Variants in PHLPP1 observed in about 807,000 individuals in gnomAD.
PHLPP1 encodes PH domain and leucine rich repeat protein phosphatase 1.
In PHLPP1, 42 loss-of-function variants were observed where a neutral mutation model predicts 117.2. The observed-to-expected ratio is 0.36, with a 90% CI of 0.28 to 0.46. The LOEUF (loss-of-function observed/expected upper bound fraction) is 0.46, where lower values mean the gene tolerates loss of function less well. PHLPP1 is among the 20% of genes least tolerant of loss of function. PHLPP1 has a pLI of 1.00. For synonymous variants in PHLPP1, 1,042 were observed against 970.7 expected (o/e 1.07, Z -1.37); for missense variants, 2,084 against 2,241.9 (o/e 0.93, Z 1.42).
intron 10 of PHLPP1, among the ~76,000 whole-genome samples, chr18:62,936,187 T>G (rs1025744062): frequency 6.6e-6 from 1 of 152,110 alleles, no homozygotes; most frequent in Non-Finnish European, 1.5e-5. Context: ...GTGAGTCAAC[T>G]TGAAGGAGCT....
chr18:62,763,726 T>C (rs915768374), intron 1 of PHLPP1, among the ~76,000 whole-genome samples: 2 of 152,206 alleles, frequency 1.3e-5, no homozygotes, highest in African/African-American at 4.8e-5. Context: ...TATTTCTTTC[T>C]CTGTCTACTT....
chr18:62,954,139 T>C (rs1408157421), intron 12 of PHLPP1, among the ~76,000 whole-genome samples: 1 of 152,222 alleles, frequency 6.6e-6, no homozygotes, highest in Non-Finnish European at 1.5e-5. Flanking sequence ...TTTGTAATGA[T>C]TTTCCTCTAA....
intron 10 of PHLPP1, among the ~76,000 whole-genome samples, chr18:62,938,057 A>T (rs1015386985): frequency 2.0e-5 from 3 of 152,156 alleles, no homozygotes; most frequent in Non-Finnish European, 4.4e-5. Flanking sequence ...TGTCTGTGGA[A>T]TCTACAAAGT....
intron 10 of PHLPP1, among the ~76,000 whole-genome samples, chr18:62,932,357 C>T (rs1909841495): frequency 6.6e-6 from 1 of 151,974 alleles, no homozygotes; most frequent in Non-Finnish European, 1.5e-5. Flanking sequence ...AACATAGACA[C>T]AAAAATCTTC....
intron 1 of PHLPP1, among the ~76,000 whole-genome samples, chr18:62,786,728 A>G (rs1430192265): frequency 2.0e-5 from 3 of 152,238 alleles, no homozygotes; most frequent in Admixed American, 6.5e-5. Context: ...AGCTACACTT[A>G]GTAGAATGAT....
intron 3 of PHLPP1, among the ~76,000 whole-genome samples, chr18:62,845,792 C>T (rs541731253): frequency 2.0e-5 from 3 of 152,158 alleles, no homozygotes; most frequent in Non-Finnish European, 4.4e-5. Context: ...AGAAGCTTTG[C>T]TATCAGTACT....
intron 5 of PHLPP1, 88 bp downstream of exon 5, chr18:62,895,245 GT>G: frequency 7.4e-7 from 1 of 1,347,434 alleles, no homozygotes; most frequent in Non-Finnish European, 1.0e-6. Flanking sequence ...TAGTTAACTT[GT>G]TATGTTGCTC....
chr18:62,846,192 A>G (rs1426124896), intron 3 of PHLPP1, among the ~76,000 whole-genome samples: 1 of 136,916 alleles, frequency 7.3e-6, no homozygotes, highest in African/African-American at 2.7e-5. Flanking sequence ...CTGGGCAATG[A>G]GAGCAAAACT....
chr18:62,871,144 G>A (rs1323854197), intron 4 of PHLPP1, among the ~76,000 whole-genome samples: 1 of 152,124 alleles, frequency 6.6e-6, no homozygotes, highest in African/African-American at 2.4e-5. Context: ...TCTTTGTAGA[G>A]TCAGTGAAGA....
intron 10 of PHLPP1, among the ~76,000 whole-genome samples, chr18:62,921,935 T>C (rs1909481260): frequency 6.6e-6 from 1 of 152,238 alleles, no homozygotes; most frequent in African/African-American, 2.4e-5. Context: ...AAAAGAAAAT[T>C]ATTTTCAGTG....
At chr18:62,743,098 CAA>C (rs1911577907) in intron 1 of PHLPP1, among the ~76,000 whole-genome samples, 2 of 151,850 alleles carry the variant, frequency 1.3e-5, no homozygotes, top group Admixed American at 6.6e-5. Context: ...TATCCATAAA[CAA>C]GAGAGGTCCC....
intron 1 of PHLPP1, among the ~76,000 whole-genome samples, chr18:62,772,549 A>T (rs1440813167): frequency 6.6e-6 from 1 of 152,132 alleles, no homozygotes; most frequent in Admixed American, 6.5e-5. Context: ...TTAAATTTAA[A>T]TTGGGCATGC....
intron 12 of PHLPP1, among the ~76,000 whole-genome samples, chr18:62,952,064 C>A (rs1017928023): frequency 6.6e-6 from 1 of 151,914 alleles, no homozygotes; most frequent in Non-Finnish European, 1.5e-5. Flanking sequence ...ATGATCCACC[C>A]GCCTCGGCCT....
intron 1 of PHLPP1, among the ~76,000 whole-genome samples, chr18:62,761,140 C>T (rs1483912083): frequency 6.6e-6 from 1 of 151,816 alleles, no homozygotes; most frequent in African/African-American, 2.4e-5. Flanking sequence ...GCTGGGATTA[C>T]AGACATGAGC....
rs771348469 is a variant in PHLPP1, at chr18:62,979,357, C to G, written c.5080C>G (p.Pro1694Ala). 6.5e-6 allele frequency: 10 copies of G among 1,549,620 alleles called. No homozygotes were observed. Among genetic ancestry groups the G allele is most frequent in the South Asian group, 5.9e-5 (5 of 84,062 alleles). ...GCAGCAGCAGCAGCCGCCACCACCC[C>G]CTCAGCTCCAGCCGCAGCTGCCGCG... ...QQQQQQPPPP[P>A]QLQPQLPRHY... The change falls in exon 17 of 17, where the codon CCT becomes GCT. Residue 1694 changes from proline (P) to alanine (A), a missense_variant. By Grantham distance (27) the Pro-to-Ala change is conservative. Coordinates refer to ENST00000262719, the MANE Select transcript of PHLPP1 (RefSeq NM_194449.4).
chr18:62,742,843 A>G (rs1167562330), intron 1 of PHLPP1, among the ~76,000 whole-genome samples: 1 of 152,214 alleles, frequency 6.6e-6, no homozygotes, highest in Non-Finnish European at 1.5e-5. Flanking sequence ...TTGAATGAGT[A>G]TATAAAATTC....
chr18:62,831,037 C>T (rs1223497917), intron 2 of PHLPP1, among the ~76,000 whole-genome samples: 1 of 152,150 alleles, frequency 6.6e-6, no homozygotes, highest in African/African-American at 2.4e-5. Flanking sequence ...AAATGTTTCT[C>T]ATTTCGGAGA....
chr18:62,823,852 C>T (rs1264090036), intron 1 of PHLPP1, among the ~76,000 whole-genome samples: 4 of 152,022 alleles, frequency 2.6e-5, no homozygotes, highest in African/African-American at 9.7e-5. Flanking sequence ...TGACTGGGGG[C>T]CAGGCGCGGT....
chr18:62,876,147 G>T (rs1189010903), intron 4 of PHLPP1, among the ~76,000 whole-genome samples: 1 of 152,074 alleles, frequency 6.6e-6, no homozygotes, highest in Non-Finnish European at 1.5e-5. Flanking sequence ...ACCTTACGTA[G>T]AAAAATGTAA....
Sources: allele counts gnomAD v4.1 joint callset (sites outside exome capture counted in the v4.1 genomes callset), GRCh38; gene constraint gnomAD v4.1.1; transcripts MANE v1.5; gene names NCBI Gene and HGNC (gene_info 2026-07-23, HGNC 2026-07-21).